GALK2: variants seen among roughly 807,000 people sequenced by gnomAD.
The protein encoded by GALK2 is galactokinase 2.
GALK2 carries 36 observed loss-of-function variants against 52.4 expected under a neutral mutation model. The ratio of observed to expected loss-of-function variants is 0.69; its 90% confidence interval spans 0.53 to 0.91. GALK2 has a LOEUF of 0.91. GALK2 is among the 40% of genes least tolerant of loss of function. The pLI is 0.00. For synonymous variants in GALK2, 176 were observed against 199.1 expected (o/e 0.88, Z 0.98); for missense variants, 579 against 559.1 (o/e 1.04, Z -0.36).
intron 3 of GALK2, among the ~76,000 whole-genome samples, chr15:49,235,454 G>A (rs967902468): frequency 1.3e-5 from 2 of 152,076 alleles, no homozygotes; most frequent in Non-Finnish European, 2.9e-5. Flanking sequence ...GGTAAAATTG[G>A]ATGGGTGGCA....
intron 3 of GALK2, among the ~76,000 whole-genome samples, chr15:49,347,471 CTT>C (rs1181539147): frequency 6.6e-6 from 1 of 152,132 alleles, no homozygotes; most frequent in East Asian, 1.9e-4. Flanking sequence ...ATTTCCCTGT[CTT>C]TGCTATTAGA....
chr15:49,291,216 G>A (rs2033904195), intron 7 of GALK2, among the ~76,000 whole-genome samples: 1 of 149,272 alleles, frequency 6.7e-6, no homozygotes, highest in Non-Finnish European at 1.5e-5. Context: ...TGAAATAATT[G>A]AACCGAAAAT....
intron 2 of GALK2, among the ~76,000 whole-genome samples, chr15:49,202,951 A>G (rs1425012557): frequency 6.6e-6 from 1 of 152,176 alleles, no homozygotes; most frequent in Non-Finnish European, 1.5e-5. Flanking sequence ...CCTGATTATT[A>G]GTGATGTTGA....
intron 1 of GALK2, among the ~76,000 whole-genome samples, chr15:49,200,707 G>C (rs1475519521): frequency 6.6e-6 from 1 of 152,128 alleles, no homozygotes; most frequent in Non-Finnish European, 1.5e-5. Flanking sequence ...GCAGAATTGT[G>C]ATTATAAATC....
At chr15:49,194,432 T>G (rs1447505379) in intron 1 of GALK2, among the ~76,000 whole-genome samples, 1 of 152,198 alleles carries the variant, frequency 6.6e-6, no homozygotes, top group Non-Finnish European at 1.5e-5. Flanking sequence ...CACTGAAGTC[T>G]GCTAGTCTAT....
Position 49,340,548 on chromosome 15 carries a change from C to A in GALK2, c.426+20743C>A, listed in dbSNP as rs188788585. 2.0e-5 allele frequency among the ~76,000 whole-genome samples: 3 copies of A among 152,178 alleles called. No homozygotes were observed. The East Asian group carries it at 5.8e-4, about 29-fold the overall frequency. On this transcript the variant is annotated intron_variant, in intron 3 of 3. Coordinates refer to the GALK2 transcript ENST00000558399. Reference sequence around the variant, plus strand: ...TGTCAATCTTGCTGGAAGCTGCAGACCAGCGCTTTTCCTATTAGGCCATCT... The same window carrying A: ...TGTCAATCTTGCTGGAAGCTGCAGAACAGCGCTTTTCCTATTAGGCCATCT...
chr15:49,322,492 C>T (rs1032875512), intron 9 of GALK2, among the ~76,000 whole-genome samples: 4 of 152,188 alleles, frequency 2.6e-5, no homozygotes, highest in African/African-American at 7.2e-5. Flanking sequence ...TTTCAGTTGG[C>T]TGCAAGTTAC....
chr15:49,348,500 A>G (rs1414796397), intron 3 of GALK2, among the ~76,000 whole-genome samples: 1 of 152,216 alleles, frequency 6.6e-6, no homozygotes, highest in East Asian at 1.9e-4. Context: ...TTCAATAAAC[A>G]GGACTTTAGC....
chr15:49,174,935 G>A (rs1307134092), intron 1 of GALK2, among the ~76,000 whole-genome samples: 1 of 152,196 alleles, frequency 6.6e-6, no homozygotes, highest in Non-Finnish European at 1.5e-5. Context: ...GACCAGAAGA[G>A]AGAGTCTGCA....
intron 6 of GALK2, 54 bp downstream of exon 6, chr15:49,282,139 C>G: frequency 7.4e-7 from 1 of 1,350,200 alleles, no homozygotes; most frequent in South Asian, 1.2e-5. Context: ...GGAAAATTTA[C>G]ATGGAGAAGA....
chr15:49,285,138 T>G (rs539908525), intron 7 of GALK2, among the ~76,000 whole-genome samples: 1 of 152,230 alleles, frequency 6.6e-6, no homozygotes, highest in Non-Finnish European at 1.5e-5. Context: ...TTGAATTTGC[T>G]CTTTCTTAGG....
intron 8 of GALK2, among the ~76,000 whole-genome samples, chr15:49,309,340 T>A (rs2035799871): frequency 6.6e-6 from 1 of 152,212 alleles, no homozygotes; most frequent in South Asian, 2.1e-4. Flanking sequence ...TTCTGTTGTT[T>A]ACAAACAAGA....
In GALK2 at chr15:49,331,281, C is replaced by G. The variant is rs2038685637; in HGVS notation, c.*3122C>G. On this transcript the variant is annotated 3_prime_UTR_variant, in exon 10 of 10. Transcript: ENST00000560031. ...GCCCTTCAGACTTAACAAGAATGCC[C>G]ATAAGTAAAGAGAAGCAAAAGAGAA... The G allele has an allele frequency of 6.5e-6, 1 of 154,046 alleles. No homozygotes were observed. The highest frequency in any genetic ancestry group is 1.4e-5 in the Non-Finnish European group (1 of 69,506). 9.5% of individuals were successfully genotyped at this position (154,046 alleles called of 1,614,324 possible).
chr15:49,218,019 C>G (rs2089518278), intron 3 of GALK2, among the ~76,000 whole-genome samples: 1 of 152,114 alleles, frequency 6.6e-6, no homozygotes, highest in Non-Finnish European at 1.5e-5. Context: ...CTGGGATAAA[C>G]TCTACTTGCT....
chr15:49,166,581 G>C (rs1246949526), upstream of GALK2, among the ~76,000 whole-genome samples: 1 of 152,032 alleles, frequency 6.6e-6, no homozygotes, highest in Non-Finnish European at 1.5e-5. Context: ...TAAGTGGCAG[G>C]CACCTGTAAT....
At chr15:49,341,802 T>G (rs1567106852) in intron 3 of GALK2, among the ~76,000 whole-genome samples, 1 of 152,368 alleles carries the variant, frequency 6.6e-6, no homozygotes, top group East Asian at 1.9e-4. Flanking sequence ...TTTCATTGTT[T>G]ACAGTCAGGC....
intron 3 of GALK2, among the ~76,000 whole-genome samples, chr15:49,360,737 A>T (rs1469038057): frequency 6.6e-6 from 1 of 152,210 alleles, no homozygotes; most frequent in African/African-American, 2.4e-5. Flanking sequence ...ATAAAACTCC[A>T]AAGATCATCC....
rs1188555386 is a variant in GALK2 at position 49,283,653 on chromosome 15, G to A, written c.691G>A (p.Glu231Lys). The change falls in exon 7 of 10, where the codon GAG (glutamate) becomes AAG (lysine). Residue 231 changes from glutamate to lysine, a missense_variant. Transcript: ENST00000560031. ...AVFVIANSCV[E>K]MNKAATSHFN... ...GTTTGTGATTGCCAACAGTTGTGTG[G>A]AGATGAATAAGGCAGCAACTTCCCA... The A allele has an allele frequency of 1.2e-6, 2 of 1,613,974 alleles. No individual in the cohort carries two copies. Among genetic ancestry groups the A allele is most frequent in the African/African-American group, 2.7e-5 (2 of 74,896 alleles).
intron 1 of GALK2, among the ~76,000 whole-genome samples, chr15:49,188,493 T>C (rs1246272064): frequency 6.6e-6 from 1 of 152,204 alleles, no homozygotes; most frequent in Non-Finnish European, 1.5e-5. Context: ...GCCACCACCA[T>C]TGCTGGGGGT....
Sources: gnomAD v4.1 joint callset for allele counts (sites outside exome capture counted in the v4.1 genomes callset) on GRCh38, gnomAD v4.1.1 for gene constraint, MANE v1.5 for transcripts, NCBI Gene and HGNC (gene_info 2026-07-23, HGNC 2026-07-21) for gene names.